The following MNAT1 variants were observed in gnomAD, a reference collection of about 807,000 sequenced individuals.
MNAT1 encodes MNAT1 component of CDK activating kinase.
A neutral mutation model predicts 42.0 loss-of-function variants in MNAT1; 43 were observed. That is an observed-to-expected ratio of 1.02 (90% CI 0.80 to 1.32). The LOEUF (loss-of-function observed/expected upper bound fraction) is 1.32, where lower values mean the gene tolerates loss of function less well. MNAT1 is among the 40% of genes most tolerant of loss of function. The pLI, the probability that MNAT1 is intolerant of heterozygous loss-of-function variation, is 0.00. For synonymous variants in MNAT1, 118 were observed against 120.0 expected (o/e 0.98, Z 0.11); for missense variants, 306 against 350.4 (o/e 0.87, Z 1.01).
At position 60,802,854 on chromosome 14, in the gene MNAT1, C is replaced by A. The variant is rs187091432; in HGVS notation, c.316+4694C>A. Among the ~76,000 whole-genome samples the A allele has an allele frequency of 1.1e-4, 16 of 151,916 alleles. No individual in the cohort carries two copies. The East Asian group carries it at 3.1e-3, about 29-fold the overall frequency. ...ATAAAGTGAAAACTTTAGTTTTAGA[C>A]CTTTTAAGTTTTGTTAGAGTGTGGC... On this transcript the variant is annotated intron_variant, in intron 3 of 7. Transcript: ENST00000261245.
At chr14:60,828,044 A>G (rs1164323881) in intron 6 of MNAT1, among the ~76,000 whole-genome samples, 4 of 152,170 alleles carry the variant, frequency 2.6e-5, no homozygotes, top group African/African-American at 9.6e-5. Context: ...TAAAATTTTT[A>G]TGAAATGAAT....
chr14:60,776,065 C>T lies in MNAT1; in HGVS notation c.90-20152C>T, dbSNP rs762474476. ...TGGACTGGTAGATAGATGGCTTCAACCATAGATGGATCAGGTGGAACAACA... is the reference window on the plus strand; with the variant it reads ...TGGACTGGTAGATAGATGGCTTCAATCATAGATGGATCAGGTGGAACAACA... On this transcript the variant is annotated intron_variant, in intron 1 of 7. Coordinates refer to ENST00000261245, the MANE Select transcript of MNAT1 (RefSeq NM_002431.4). Among the ~76,000 whole-genome samples, 183 of 152,138 alleles carry T rather than the reference C, an allele frequency of 1.2e-3. 6 individuals are homozygous for T. The highest frequency in any genetic ancestry group is 2.2e-4 in the Non-Finnish European group (15 of 68,036).
intron 7 of MNAT1, among the ~76,000 whole-genome samples, chr14:60,891,482 T>G (rs1456369590): frequency 6.6e-6 from 1 of 151,982 alleles, no homozygotes; most frequent in Non-Finnish European, 1.5e-5. Flanking sequence ...AAAGTCTTGC[T>G]GCTCTGTTGC....
At chr14:60,855,675 A>G (rs2033940622) in intron 6 of MNAT1, among the ~76,000 whole-genome samples, 1 of 152,140 alleles carries the variant, frequency 6.6e-6, no homozygotes, top group African/African-American at 2.4e-5. Context: ...TGGGTACCTC[A>G]GTTGGAAATG....
At chr14:60,920,417 A>G (rs1386110162) in intron 7 of MNAT1, among the ~76,000 whole-genome samples, 1 of 151,988 alleles carries the variant, frequency 6.6e-6, no homozygotes, top group African/African-American at 2.4e-5. Flanking sequence ...TGGATTGAAA[A>G]CAGAAAAATC....
At chr14:60,754,757 A>G (rs1327881028) in intron 1 of MNAT1, among the ~76,000 whole-genome samples, 1 of 152,108 alleles carries the variant, frequency 6.6e-6, no homozygotes, top group African/African-American at 2.4e-5. Context: ...ATCAAGGGGG[A>G]ATCTAGTAGT....
chr14:60,767,937 TTG>T (rs1159373912), intron 1 of MNAT1, among the ~76,000 whole-genome samples: 1 of 152,188 alleles, frequency 6.6e-6, no homozygotes, highest in East Asian at 1.9e-4. Context: ...CTAATTTTTT[TTG>T]TGTTTTAGTA....
intron 6 of MNAT1, among the ~76,000 whole-genome samples, chr14:60,845,130 C>T (rs567934531): frequency 2.6e-5 from 4 of 151,598 alleles, no homozygotes; most frequent in East Asian, 3.9e-4. Flanking sequence ...GTTTTGTTAG[C>T]GTCATTGGCT....
chr14:60,948,408 C>A (rs922948974), intron 7 of MNAT1, among the ~76,000 whole-genome samples: 1 of 152,066 alleles, frequency 6.6e-6, no homozygotes, highest in African/African-American at 2.4e-5. Flanking sequence ...AGTGACAGAG[C>A]AAGACCCTGT....
rs556519526 is a variant in MNAT1 at position 60,889,111 on chromosome 14, T to C, written c.809+9276T>C. ...TGGAAAAAACTTACTTTAAAGTTCATATGGAACCAAAAAAGAGCCCGCATC... is the reference window on the plus strand; with the variant it reads ...TGGAAAAAACTTACTTTAAAGTTCACATGGAACCAAAAAAGAGCCCGCATC... On this transcript the variant is annotated intron_variant, in intron 7 of 7. Transcript: ENST00000261245. Among the ~76,000 whole-genome samples the C allele has an allele frequency of 1.4e-4, 21 of 152,030 alleles. No homozygotes were observed. In the South Asian group the frequency reaches 4.4e-3, roughly 32 times the overall value.
chr14:60,885,081 G>A (rs113164680), intron 7 of MNAT1, among the ~76,000 whole-genome samples: 8 of 151,798 alleles, frequency 5.3e-5, no homozygotes, highest in African/African-American at 1.7e-4. Flanking sequence ...TATGTTATTT[G>A]TATATTTTGT....
intron 6 of MNAT1, among the ~76,000 whole-genome samples, chr14:60,872,644 T>C (rs558317093): frequency 2.7e-5 from 4 of 147,384 alleles, no homozygotes; most frequent in Non-Finnish European, 4.5e-5. Flanking sequence ...GGTGCTATTA[T>C]ATTTTTCTTT....
chr14:60,780,623 TA>T, intron 1 of MNAT1: 1 of 1,273,280 alleles, frequency 7.9e-7, no homozygotes, highest in Non-Finnish European at 1.1e-6. Context: ...AATGTAATTG[TA>T]ATTTTGAAAT....
intron 7 of MNAT1, among the ~76,000 whole-genome samples, chr14:60,940,664 G>C (rs865858051): frequency 1.3e-5 from 2 of 152,040 alleles, no homozygotes; most frequent in African/African-American, 4.8e-5. Flanking sequence ...TGATCTGCCC[G>C]CCTTGGTCCC....
chr14:60,832,302 T>C lies in MNAT1; in HGVS notation c.687+13455T>C, dbSNP rs563700232. Among the ~76,000 whole-genome samples, 13 of 152,348 alleles carry C rather than the reference T, an allele frequency of 8.5e-5. No homozygotes were observed. The South Asian group carries it at 2.3e-3, about 27-fold the overall frequency. Reference sequence around the variant, plus strand: ...CCTAGGTTTTCTTTCAGGGTTTTTATGGTTTTAGGTCTTACGTTTAAGTCT... The same window carrying C: ...CCTAGGTTTTCTTTCAGGGTTTTTACGGTTTTAGGTCTTACGTTTAAGTCT... On this transcript the variant is annotated intron_variant, in intron 6 of 7. Coordinates refer to ENST00000261245, the MANE Select transcript of MNAT1 (RefSeq NM_002431.4).
chr14:60,743,988 A>G (rs536626415), intron 1 of MNAT1, among the ~76,000 whole-genome samples: 5 of 152,222 alleles, frequency 3.3e-5, no homozygotes, highest in South Asian at 4.1e-4. Context: ...CTCATCAAGA[A>G]TATATTTTTC....
chr14:60,802,595 A>G (rs1035738151), intron 3 of MNAT1, among the ~76,000 whole-genome samples: 6 of 152,210 alleles, frequency 3.9e-5, no homozygotes, highest in Non-Finnish European at 7.3e-5. Flanking sequence ...ATGAGAAATA[A>G]TGAGGGCTTG....
intron 7 of MNAT1, among the ~76,000 whole-genome samples, chr14:60,889,374 G>T (rs1040852588): frequency 7.2e-5 from 11 of 152,016 alleles, no homozygotes; most frequent in African/African-American, 2.2e-4. Flanking sequence ...TTAATAAATG[G>T]TGCTGGGAAA....
intron 6 of MNAT1, among the ~76,000 whole-genome samples, chr14:60,845,659 G>A (rs2033663424): frequency 6.6e-6 from 1 of 152,086 alleles, no homozygotes; most frequent in Admixed American, 6.6e-5. Context: ...TGCAGAAGAT[G>A]CCTTGTGATA....
Sources: gnomAD v4.1 joint callset for allele counts (sites outside exome capture counted in the v4.1 genomes callset) on GRCh38, gnomAD v4.1.1 for gene constraint, MANE v1.5 for transcripts, NCBI Gene and HGNC (gene_info 2026-07-23, HGNC 2026-07-21) for gene names.